KHDRBS2: variants seen among roughly 807,000 people sequenced by gnomAD.
The protein encoded by KHDRBS2 is KH RNA binding domain containing, signal transduction associated 2, also known as KH domain-containing, RNA-binding, signal transduction-associated protein 2.
KHDRBS2 carries 26 observed loss-of-function variants against 44.3 expected under a neutral mutation model. That is an observed-to-expected ratio of 0.59 (90% CI 0.43 to 0.81). The LOEUF (loss-of-function observed/expected upper bound fraction) is 0.81, where lower values mean the gene tolerates loss of function less well. Ranked by LOEUF, KHDRBS2 falls within the 40% of genes least tolerant of loss-of-function variation. The probability of loss-of-function intolerance (pLI) is 0.00; values close to 1 mark genes in which losing one functional copy is unlikely to be tolerated. For missense variants in KHDRBS2, 476 were observed against 433.1 expected (o/e 1.10, Z -0.88); for synonymous variants, 194 against 151.1 (o/e 1.28, Z -2.08).
chr6:61,924,188 C>T (rs372731208), intron 4 of KHDRBS2, among the ~76,000 whole-genome samples: 1 of 152,104 alleles, frequency 6.6e-6, no homozygotes, highest in South Asian at 2.1e-4. Flanking sequence ...ACACTATGTT[C>T]ATGGGATGAA....
chr6:61,717,451 T>C (rs548994565), intron 7 of KHDRBS2, among the ~76,000 whole-genome samples: 301 of 152,206 alleles, frequency 2.0e-3, no homozygotes, highest in African/African-American at 6.7e-3. Flanking sequence ...CAGAGGTCTG[T>C]AGATGGCAGG....
chr6:62,172,308 T>A (rs1001184641), intron 2 of KHDRBS2, among the ~76,000 whole-genome samples: 1 of 151,834 alleles, frequency 6.6e-6, no homozygotes, highest in Non-Finnish European at 1.5e-5. Flanking sequence ...CAAACAAACT[T>A]TAAGCAAACA....
At chr6:62,175,477 T>C (rs1193733938) in intron 2 of KHDRBS2, among the ~76,000 whole-genome samples, 2 of 151,600 alleles carry the variant, frequency 1.3e-5, no homozygotes, top group South Asian at 2.1e-4. Context: ...TCTAAAATTA[T>C]AGTAACTGCA....
chr6:62,100,977 G>A (rs1174867993), intron 2 of KHDRBS2, among the ~76,000 whole-genome samples: 1 of 152,130 alleles, frequency 6.6e-6, no homozygotes, highest in Admixed American at 6.6e-5. Flanking sequence ...AACACTCAGA[G>A]CAGTCCTCCA....
intron 2 of KHDRBS2, among the ~76,000 whole-genome samples, chr6:62,052,443 G>C (rs1789274383): frequency 6.6e-6 from 1 of 151,746 alleles, no homozygotes; most frequent in Non-Finnish European, 1.5e-5. Context: ...AAATGAAACT[G>C]TTTACCATGG....
chr6:61,563,214 A>C, the KHDRBS2 span, among the ~76,000 whole-genome samples: 1 of 152,140 alleles, frequency 6.6e-6, no homozygotes, highest in Non-Finnish European at 1.5e-5. Flanking sequence ...GCTCAAAATC[A>C]AGTCTTAAAA....
At chr6:61,723,491 A>G (rs1432970173) in intron 7 of KHDRBS2, among the ~76,000 whole-genome samples, 5 of 152,092 alleles carry the variant, frequency 3.3e-5, no homozygotes. Context: ...GAATTATAAT[A>G]AAACAATACA....
chr6:61,856,099 T>A (rs916500850), intron 6 of KHDRBS2, among the ~76,000 whole-genome samples: 1 of 152,136 alleles, frequency 6.6e-6, no homozygotes, highest in Non-Finnish European at 1.5e-5. Context: ...TTGTTATGTA[T>A]AGTTTTCATA....
At chr6:61,877,187 T>C (rs892085184) in intron 6 of KHDRBS2, among the ~76,000 whole-genome samples, 29 of 152,012 alleles carry the variant, frequency 1.9e-4, no homozygotes, top group Non-Finnish European at 3.2e-4. Context: ...TGTTGACCCC[T>C]GCATTGGACC....
chr6:61,955,809 G>A (rs375088420), intron 4 of KHDRBS2, among the ~76,000 whole-genome samples: 1 of 151,942 alleles, frequency 6.6e-6, no homozygotes, highest in South Asian at 2.1e-4. Context: ...TGCCAATCAT[G>A]TATTTCAATG....
In KHDRBS2 at chr6:61,732,745, C is replaced by T; in HGVS notation, c.830G>A (p.Gly277Glu). The change falls in exon 7 of 9, where the codon GGG (glycine) becomes GAG (glutamate). Residue 277 changes from glycine to glutamate, a missense_variant. Transcript: ENST00000281156. ...YEEYGYDDGYGGEYDDQTYET... is the reference protein window; with the variant it reads ...YEEYGYDDGYEGEYDDQTYET... ...ATAGGTCTGGTCATCATATTCACCC[C>T]CGTAGCCATCATCATAACCCTGAGA... 6.2e-7 allele frequency: 1 copy of T among 1,607,670 alleles called. No individual in the cohort carries two copies. Among genetic ancestry groups the T allele is most frequent in the Non-Finnish European group, 8.5e-7 (1 of 1,174,338 alleles).
intron 4 of KHDRBS2, among the ~76,000 whole-genome samples, chr6:61,931,582 G>T (rs900808618): frequency 6.6e-6 from 1 of 151,946 alleles, no homozygotes; most frequent in Non-Finnish European, 1.5e-5. Flanking sequence ...TAGTAATAAA[G>T]CTTTAAATAT....
chr6:62,006,909 A>AT lies in KHDRBS2; in HGVS notation c.337-28698dup, dbSNP rs1026458358. Among the ~76,000 whole-genome samples, 6 of 152,034 alleles carry AT rather than the reference A, an allele frequency of 3.9e-5. No homozygotes were observed. The South Asian group carries it at 6.2e-4, about 16-fold the overall frequency. On this transcript the variant is annotated intron_variant, in intron 3 of 8. Coordinates refer to ENST00000281156, the MANE Select transcript of KHDRBS2 (RefSeq NM_152688.4). The stretch of plus-strand genomic sequence containing the variant: ...ATATAAGGCAGGAGTTATTAGATAA[A>AT]TTTTTTTTAAATTCAGCTTACTGTT...
intron 6 of KHDRBS2, among the ~76,000 whole-genome samples, chr6:61,769,293 G>A (rs1439087064): frequency 2.0e-5 from 3 of 152,088 alleles, no homozygotes; most frequent in African/African-American, 7.2e-5. Flanking sequence ...TCATCTCACT[G>A]GAGAGTGCCA....
chr6:62,102,616 C>T (rs1290889644), intron 2 of KHDRBS2, among the ~76,000 whole-genome samples: 2 of 152,176 alleles, frequency 1.3e-5, no homozygotes, highest in Non-Finnish European at 2.9e-5. Context: ...CTGACTCTGG[C>T]CCACGGCTCC....
At chr6:61,603,361 C>CT in the KHDRBS2 span, among the ~76,000 whole-genome samples, 1 of 152,264 alleles carries the variant, frequency 6.6e-6, no homozygotes, top group Non-Finnish European at 1.5e-5. Flanking sequence ...AACATGCTTT[C>CT]TTTACTATTC....
At chr6:62,124,382 C>T (rs1808448860) in intron 2 of KHDRBS2, among the ~76,000 whole-genome samples, 1 of 152,166 alleles carries the variant, frequency 6.6e-6, no homozygotes, top group South Asian at 2.1e-4. Flanking sequence ...CCAAAAACCA[C>T]TCTCTGGAGA....
intron 1 of KHDRBS2, 84 bp downstream of exon 1, chr6:62,285,774 C>T: frequency 1.2e-6 from 1 of 868,654 alleles, no homozygotes; most frequent in South Asian, 1.5e-5. Context: ...GAGAGGAGTC[C>T]CTCCCCAACT....
intron 6 of KHDRBS2, among the ~76,000 whole-genome samples, chr6:61,742,693 T>C (rs1331687802): frequency 6.6e-6 from 1 of 152,070 alleles, no homozygotes; most frequent in Non-Finnish European, 1.5e-5. Flanking sequence ...TGATGCAACA[T>C]GGGAAGTCAT....
Sources: gnomAD v4.1 joint callset for allele counts (sites outside exome capture counted in the v4.1 genomes callset) on GRCh38, gnomAD v4.1.1 for gene constraint, MANE v1.5 for transcripts, NCBI Gene and HGNC (gene_info 2026-07-23, HGNC 2026-07-21) for gene names.